Variants in NEGR1 observed in about 807,000 individuals in gnomAD.
The protein encoded by NEGR1 is neuronal growth regulator 1.
A neutral mutation model predicts 40.9 loss-of-function variants in NEGR1; 10 were observed. That is an observed-to-expected ratio of 0.24 (90% CI 0.15 to 0.42). The LOEUF is 0.42. Ranked by LOEUF, NEGR1 falls within the 10% of genes least tolerant of loss-of-function variation. The probability of loss-of-function intolerance (pLI) is 1.00; values close to 1 mark genes in which losing one functional copy is unlikely to be tolerated. For synonymous variants in NEGR1, 185 were observed against 166.8 expected (o/e 1.11, Z -0.84); for missense variants, 352 against 438.9 (o/e 0.80, Z 1.77).
At chr1:71,805,589 T>C (rs1657739567) in intron 2 of NEGR1, among the ~76,000 whole-genome samples, 1 of 152,206 alleles carries the variant, frequency 6.6e-6, no homozygotes, top group Admixed American at 6.5e-5. Context: ...TCAAGGATAG[T>C]AACACACCAA....
intron 1 of NEGR1, among the ~76,000 whole-genome samples, chr1:72,040,577 C>CAAAAAAAAAAAA (rs5775102): frequency 4.4e-4 from 13 of 29,706 alleles, no homozygotes; most frequent in Admixed American, 1.3e-3. Context: ...GAGCACTGAC[C>CAAAAAAAAAAAA]AAAAAAAAAA....
chr1:72,097,549 T>C (rs1205226524), intron 1 of NEGR1, among the ~76,000 whole-genome samples: 1 of 152,172 alleles, frequency 6.6e-6, no homozygotes. Context: ...AATGGATTAA[T>C]AGAAAAAAAT....
chr1:71,578,641 G>A (rs1381740160), intron 6 of NEGR1, among the ~76,000 whole-genome samples: 1 of 151,900 alleles, frequency 6.6e-6, no homozygotes, highest in East Asian at 1.9e-4. Context: ...GTCTTTGGGG[G>A]GCTTCTTGAA....
chr1:72,063,059 G>A lies in NEGR1; in HGVS notation c.177-127748C>T, dbSNP rs111458077. ...AAGAAGCGTTGATTTTAGAAGTCTC[G>A]AATAGATTATGATATAGTATTTATT... On this transcript the variant is annotated intron_variant, in intron 1 of 6. Transcript: ENST00000357731. Among the ~76,000 whole-genome samples, 482 of 151,710 alleles carry A rather than the reference G, an allele frequency of 3.2e-3. 2 individuals are homozygous for A. Among genetic ancestry groups the A allele is most frequent in the African/African-American group, 0.011 (456 of 41,362 alleles).
intron 1 of NEGR1, among the ~76,000 whole-genome samples, chr1:72,103,232 T>C (rs1172511577): frequency 6.6e-6 from 1 of 152,098 alleles, no homozygotes; most frequent in Non-Finnish European, 1.5e-5. Flanking sequence ...TTGTTCCTTA[T>C]ATGGTACTAT....
chr1:71,494,585 C>G (rs964740707), intron 6 of NEGR1, among the ~76,000 whole-genome samples: 1 of 152,120 alleles, frequency 6.6e-6, no homozygotes, highest in Non-Finnish European at 1.5e-5. Context: ...AGTGAATTAT[C>G]AAATCCAAGT....
intron 1 of NEGR1, among the ~76,000 whole-genome samples, chr1:72,109,188 T>C (rs1649256897): frequency 6.6e-6 from 1 of 151,668 alleles, no homozygotes; most frequent in Non-Finnish European, 1.5e-5. Flanking sequence ...TATAGAAAAG[T>C]AGAGGTGATA....
intron 1 of NEGR1, among the ~76,000 whole-genome samples, chr1:72,271,024 A>G (rs1414573606): frequency 1.3e-5 from 2 of 151,848 alleles, no homozygotes; most frequent in South Asian, 2.1e-4. Flanking sequence ...TAATCCGTGT[A>G]CTTCTGTTGT....
At chr1:72,214,142 A>AAAG (rs1314401074) in intron 1 of NEGR1, among the ~76,000 whole-genome samples, 1 of 152,120 alleles carries the variant, frequency 6.6e-6, no homozygotes, top group Non-Finnish European at 1.5e-5. Flanking sequence ...AGATTCGGAA[A>AAAG]AAGCCTTCAA....
At chr1:71,465,456 A>G (rs1459348916) in intron 6 of NEGR1, among the ~76,000 whole-genome samples, 1 of 151,998 alleles carries the variant, frequency 6.6e-6, no homozygotes, top group Non-Finnish European at 1.5e-5. Context: ...TACTGTATCT[A>G]CCCCTAGTCT....
chr1:71,684,001 T>C (rs930808172), intron 4 of NEGR1, among the ~76,000 whole-genome samples: 1 of 152,180 alleles, frequency 6.6e-6, no homozygotes, highest in African/African-American at 2.4e-5. Flanking sequence ...CTGAGTGCAG[T>C]GGCTCACGCC....
At chr1:71,780,040 C>CAAAAAAAAAAAAAAAAAAAAAAAAAA (rs57576840) in intron 2 of NEGR1, among the ~76,000 whole-genome samples, 1 of 99,736 alleles carries the variant, frequency 1.0e-5, no homozygotes, top group African/African-American at 4.7e-5. Context: ...ATAGGAAAAC[C>CAAAAAAAAAAAAAAAAAAAAAAAAAA]AAAAAAAAAA....
chr1:71,645,184 G>C (rs892840465), intron 4 of NEGR1, among the ~76,000 whole-genome samples: 1 of 151,914 alleles, frequency 6.6e-6, no homozygotes, highest in East Asian at 1.9e-4. Flanking sequence ...CTTTGATTAT[G>C]TTCTACTGTG....
At chr1:71,937,362 A>T (rs1311263079) in intron 1 of NEGR1, among the ~76,000 whole-genome samples, 1 of 152,232 alleles carries the variant, frequency 6.6e-6, no homozygotes, top group Non-Finnish European at 1.5e-5. Flanking sequence ...GTGCTGGTAC[A>T]GGACAGAACT....
intron 1 of NEGR1, among the ~76,000 whole-genome samples, chr1:72,091,951 G>A (rs1569949541): frequency 1.3e-5 from 2 of 152,172 alleles, no homozygotes; most frequent in South Asian, 4.2e-4. Flanking sequence ...TTGGATCAGG[G>A]CCCTATTCTT....
At chr1:72,111,228 TC>T (rs1649359841) in intron 1 of NEGR1, among the ~76,000 whole-genome samples, 1 of 151,788 alleles carries the variant, frequency 6.6e-6, no homozygotes, top group South Asian at 2.1e-4. Context: ...GCTTTAGTCT[TC>T]TCCTCTCTAC....
chr1:72,216,813 GTTA>G (rs1653837330), intron 1 of NEGR1, among the ~76,000 whole-genome samples: 1 of 151,302 alleles, frequency 6.6e-6, no homozygotes, highest in East Asian at 1.9e-4. Context: ...ATAAAAGTTA[GTTA>G]TTATTATGAT....
chr1:71,630,568 T>G (rs988546419), intron 4 of NEGR1, among the ~76,000 whole-genome samples: 1 of 151,906 alleles, frequency 6.6e-6, no homozygotes, highest in Admixed American at 6.6e-5. Context: ...CATTATGGTT[T>G]TATGTTCTTC....
At chr1:71,853,510 C>T (rs1458660564) in intron 2 of NEGR1, among the ~76,000 whole-genome samples, 2 of 151,900 alleles carry the variant, frequency 1.3e-5, no homozygotes, top group Admixed American at 6.6e-5. Context: ...TCTTCCAAAC[C>T]GTGCCTTTGT....
Sources: gnomAD v4.1 joint callset for allele counts (sites outside exome capture counted in the v4.1 genomes callset) on GRCh38, gnomAD v4.1.1 for gene constraint, MANE v1.5 for transcripts, NCBI Gene and HGNC (gene_info 2026-07-23, HGNC 2026-07-21) for gene names.